The following POLA1 variants were observed in gnomAD, a reference collection of about 807,000 sequenced individuals.
POLA1 encodes the protein DNA polymerase alpha 1, catalytic subunit.
A neutral mutation model predicts 124.0 loss-of-function variants in POLA1; 15 were observed. The observed-to-expected ratio is 0.12, with a 90% CI of 0.08 to 0.19. The LOEUF (loss-of-function observed/expected upper bound fraction) is 0.19. Among genes scored for constraint, POLA1 ranks in the 10% least tolerant of loss-of-function variants. POLA1 has a pLI of 1.00. For missense variants in POLA1, 886 were observed against 1,103.4 expected (o/e 0.80, Z 2.79); for synonymous variants, 408 against 389.4 (o/e 1.05, Z -0.56).
At chrX:24,752,499 A>G (rs377599661) in intron 26 of POLA1, among the ~76,000 whole-genome samples, 2 of 112,194 alleles carry the variant, frequency 1.8e-5, no homozygotes, top group African/African-American at 6.5e-5. Flanking sequence ...ATAAAAAAGA[A>G]ATTGGGCAAG....
At chrX:24,876,199 T>C (rs2046929058) in intron 34 of POLA1, among the ~76,000 whole-genome samples, 1 of 112,383 alleles carries the variant, frequency 8.9e-6, no homozygotes, top group African/African-American at 3.2e-5. Context: ...ATTGGTGATA[T>C]TGAACATCTT....
chrX:24,839,213 T>A (rs980423948), intron 32 of POLA1, among the ~76,000 whole-genome samples: 1 of 111,549 alleles, frequency 9.0e-6, no homozygotes, highest in Non-Finnish European at 1.9e-5. Context: ...CTCATTACAG[T>A]CTCTTCTCCC....
chrX:24,878,667 T>C (rs1347861082), intron 34 of POLA1, among the ~76,000 whole-genome samples: 2 of 110,301 alleles, frequency 1.8e-5, no homozygotes, highest in Non-Finnish European at 3.8e-5. Context: ...ACATACCCTG[T>C]CACTTTCTCA....
chrX:24,736,022 A>C (rs955947537), intron 18 of POLA1, among the ~76,000 whole-genome samples: 6 of 111,497 alleles, frequency 5.4e-5, no homozygotes, highest in African/African-American at 1.3e-4. Flanking sequence ...CCTGAGAGTC[A>C]TAAGGCAACA....
intron 36 of POLA1, among the ~76,000 whole-genome samples, chrX:24,953,498 G>A (rs2048071594): frequency 8.9e-6 from 1 of 111,774 alleles, no homozygotes; most frequent in Non-Finnish European, 1.9e-5. Flanking sequence ...GCTGAGACCT[G>A]AATGACAAGA....
At chrX:24,827,530 C>T (rs1168857029) in intron 32 of POLA1, among the ~76,000 whole-genome samples, 2 of 112,258 alleles carry the variant, frequency 1.8e-5, no homozygotes, top group Non-Finnish European at 1.9e-5. Context: ...ATTCAGTCTA[C>T]GCAGTGTCTC....
At chrX:24,740,918 G>GT (rs1198797051) in intron 20 of POLA1, among the ~76,000 whole-genome samples, 29 of 109,121 alleles carry the variant, frequency 2.7e-4, no homozygotes, top group Admixed American at 7.8e-4. Flanking sequence ...TAATTTCTTT[G>GT]TTTTTTTTTA....
chrX:24,811,552 G>A (rs1602427135), intron 28 of POLA1, among the ~76,000 whole-genome samples: 2 of 108,713 alleles, frequency 1.8e-5, no homozygotes, highest in East Asian at 5.9e-4. Flanking sequence ...ACTCCCAAGT[G>A]CTGGGATTAC....
rs1371689703 is a variant in POLA1 at position 24,841,696 on chromosome X, G to A, written c.3781G>A (p.Glu1261Lys). ...QFRVHHYHKD[E>K]ENDALLGGPA... is the part of the protein sequence containing the mutation. ...TAGAGTTCATCATTATCATAAAGAT[G>A]AAGAGAATGATGCTCTACTTGGTGG... Residue 1261 changes from glutamate (E) to lysine (K), a missense_variant, in exon 33 of 37, where the codon GAA becomes AAA. Glu to Lys is a moderately conservative substitution (Grantham distance 56). This residue lies in a region of POLA1 where 313 missense variants were observed against 359.7 expected (regional missense o/e 0.87). Coordinates refer to ENST00000379068, the MANE Select transcript of POLA1 (RefSeq NM_001330360.2). The A allele has an allele frequency of 8.4e-7, 1 of 1,187,285 alleles. No individual in the cohort carries two copies. Among genetic ancestry groups the A allele is most frequent in the African/African-American group, 1.8e-5 (1 of 57,035 alleles).
rs775509625 is a variant in POLA1, at chrX:24,890,402, T to G, written c.4164+2280T>G. Among the ~76,000 whole-genome samples the G allele has an allele frequency of 1.3e-4, 14 of 111,788 alleles. 1 individual carries two copies. The East Asian group carries it at 2.0e-3, about 16-fold the overall frequency. Reference sequence around the variant, plus strand: ...CACCTGGCCTCCAGTACCAAAAATTTTAAACACAAATTTAACTATACCTTT... The same window carrying G: ...CACCTGGCCTCCAGTACCAAAAATTGTAAACACAAATTTAACTATACCTTT... On this transcript the variant is annotated intron_variant, in intron 35 of 36. Transcript: ENST00000379068.
chrX:24,862,043 ATTGAT>A (rs1420110159), intron 34 of POLA1, among the ~76,000 whole-genome samples: 1 of 111,658 alleles, frequency 9.0e-6, no homozygotes, highest in Non-Finnish European at 1.9e-5. Context: ...GTTTGAAGAG[ATTGAT>A]TTAAGACAGC....
At chrX:24,801,734 C>T (rs1315072141) in intron 26 of POLA1, among the ~76,000 whole-genome samples, 6 of 111,400 alleles carry the variant, frequency 5.4e-5, no homozygotes, top group Non-Finnish European at 1.1e-4. Flanking sequence ...AAATTTAATG[C>T]TCACAGTAGC....
At chrX:24,986,845 C>T (rs1025193456) in intron 36 of POLA1, among the ~76,000 whole-genome samples, 3 of 110,819 alleles carry the variant, frequency 2.7e-5, no homozygotes, top group Non-Finnish European at 5.7e-5. Flanking sequence ...ATTTCTCCCC[C>T]ACTCTTAGGT....
At chrX:24,807,288 T>A (rs183431021) in intron 26 of POLA1, among the ~76,000 whole-genome samples, 1 of 112,317 alleles carries the variant, frequency 8.9e-6, no homozygotes, top group Non-Finnish European at 1.9e-5. Context: ...TTTATTGAGG[T>A]AACAGTTACG....
intron 35 of POLA1, among the ~76,000 whole-genome samples, chrX:24,892,497 A>G (rs1003006809): frequency 8.9e-6 from 1 of 111,832 alleles, no homozygotes; most frequent in Non-Finnish European, 1.9e-5. Context: ...ATATTTTAGT[A>G]TCTCTTTGTT....
At position 24,727,907 on chromosome X, in the gene POLA1, A is replaced by G. The variant is rs1235896821; in HGVS notation, c.1657A>G (p.Met553Val). 2 of 1,208,092 alleles carry G rather than the reference A, an allele frequency of 1.7e-6. No homozygotes were observed. Among genetic ancestry groups the G allele is most frequent in the Admixed American group, 2.2e-5 (1 of 45,799 alleles). Residue 553 changes from methionine (M) to valine (V), a missense_variant, in exon 15 of 37, where the codon ATG becomes GTG. Transcript: ENST00000379068. ...LVVMAFSMKT[M>V]QNAKNHQNEI... ...CGTGATGGCTTTCAGCATGAAGACA[A>G]TGCAGAATGCAAAGAACCATCAAAA...
chrX:24,870,172 C>T (rs1601822054), intron 34 of POLA1, among the ~76,000 whole-genome samples: 2 of 111,797 alleles, frequency 1.8e-5, no homozygotes, highest in African/African-American at 6.5e-5. Flanking sequence ...ACTGTACCCA[C>T]ATAGTGTTAT....
At chrX:24,981,960 C>G (rs761971390) in intron 36 of POLA1, among the ~76,000 whole-genome samples, 14 of 111,979 alleles carry the variant, frequency 1.3e-4, no homozygotes, top group African/African-American at 4.2e-4. Flanking sequence ...GCATGCAATG[C>G]TAAACTTTTT....
At chrX:24,753,761 T>C (rs755447842) in intron 26 of POLA1, among the ~76,000 whole-genome samples, 1 of 112,605 alleles carries the variant, frequency 8.9e-6, no homozygotes, top group African/African-American at 3.2e-5. Context: ...CTTACTGACA[T>C]TGGTATTATT....
Sources: gnomAD v4.1 joint callset for allele counts (sites outside exome capture counted in the v4.1 genomes callset) on GRCh38, gnomAD v4.1.1 for gene constraint, gnomAD v4.1.1 regional missense constraint, MANE v1.5 for transcripts, NCBI Gene and HGNC (gene_info 2026-07-23, HGNC 2026-07-21) for gene names.